The following ABCC12 variants were observed in gnomAD, a reference collection of about 807,000 sequenced individuals.
ABCC12 encodes the protein ATP-binding cassette sub-family C member 12.
In ABCC12, 142 loss-of-function variants were observed where a neutral mutation model predicts 151.1. The observed-to-expected ratio is 0.94, with a 90% CI of 0.82 to 1.08. ABCC12 has a LOEUF of 1.08. ABCC12 is among the 50% of genes least tolerant of loss of function. ABCC12 has a pLI of 0.00. For missense variants in ABCC12, 1,638 were observed against 1,691.1 expected, an observed-to-expected ratio of 0.97 and a Z score of 0.55; for synonymous variants, 645 against 646.4, an observed-to-expected ratio of 1.00 and a Z score of 0.03.
chr16:48,102,239 G>A (rs1963333433), intron 22 of ABCC12, among the ~76,000 whole-genome samples: 1 of 152,188 alleles, frequency 6.6e-6, no homozygotes, highest in African/African-American at 2.4e-5. Flanking sequence ...TTCAGCCTCT[G>A]ATTAGTCGCT....
rs539640801 is a variant in ABCC12 at position 48,120,539 on chromosome 16, C to T, written c.1712+1177G>A. Among the ~76,000 whole-genome samples, 23 of 150,730 alleles carry T rather than the reference C, an allele frequency of 1.5e-4. No homozygotes were observed. In the South Asian group the frequency reaches 2.7e-3, roughly 18 times the overall value. ...ACTATAGAAATGTCCACGGTGATCACGGTATTAATGAGTTTTTTGTTTTTT... is the reference window on the plus strand; with the variant it reads ...ACTATAGAAATGTCCACGGTGATCATGGTATTAATGAGTTTTTTGTTTTTT... On this transcript the variant is annotated intron_variant, in intron 13 of 30. Coordinates refer to ENST00000311303, the MANE Select transcript of ABCC12 (RefSeq NM_001393797.1).
chr16:48,090,816 C>T (rs969046239), intron 25 of ABCC12, among the ~76,000 whole-genome samples: 2 of 152,168 alleles, frequency 1.3e-5, no homozygotes, highest in Admixed American at 1.3e-4. Context: ...AAACCTCCGC[C>T]TCCTGGGCTC....
intron 4 of ABCC12, among the ~76,000 whole-genome samples, chr16:48,142,880 C>T (rs183046487): frequency 7.9e-5 from 12 of 152,220 alleles, no homozygotes; most frequent in Non-Finnish European, 1.2e-4. Context: ...CTGAAGAAGA[C>T]GGTAGCCCAG....
At chr16:48,091,076 C>A (rs893324342) in intron 25 of ABCC12, 44 bp downstream of exon 25, 3 of 1,591,482 alleles carry the variant, frequency 1.9e-6, no homozygotes, top group Non-Finnish European at 2.6e-6. Flanking sequence ...CCAAGTCCTG[C>A]CAAAATTAAC....
chr16:48,107,383 A>G lies in ABCC12; in HGVS notation c.2414T>C (p.Met805Thr). The change falls in exon 20 of 31, where the codon ATG becomes ACG. Residue 805 changes from methionine to threonine, a missense_variant. Coordinates refer to ENST00000311303, the MANE Select transcript of ABCC12 (RefSeq NM_001393797.1). ...SLFTVFLFLL[M>T]IGSAAFSNWW... ...GTTGCTGAAGGCAGCGCTGCCAATC[A>G]TCAGGAGGAAGAGGAACACAGTGAA... 2 of 1,614,228 alleles carry G rather than the reference A, an allele frequency of 1.2e-6. No homozygotes were observed. Among genetic ancestry groups the G allele is most frequent in the Non-Finnish European group, 1.7e-6 (2 of 1,180,032 alleles).
In ABCC12 at chr16:48,140,714, C is replaced by G. The variant is rs758013375; in HGVS notation, c.630G>C (p.Lys210Asn). Residue 210 changes from lysine to asparagine, a missense_variant, in exon 6 of 31, where the codon AAG (lysine) becomes AAC (asparagine). Physicochemically the swap from Lys to Asn is moderately conservative, Grantham distance 94. Transcript: ENST00000311303. ...TLVFENLVSF[K>N]TLTHISVGEV... Reference sequence around the variant, plus strand: ...CGCCAACAGAGATGTGGGTCAATGTCTTGAAGGACACTAGGTTTTCAAAAA... The same window carrying G: ...CGCCAACAGAGATGTGGGTCAATGTGTTGAAGGACACTAGGTTTTCAAAAA... The G allele has an allele frequency of 1.5e-5, 25 of 1,614,164 alleles. No homozygotes were observed. The highest frequency in any genetic ancestry group is 2.1e-5 in the Non-Finnish European group (25 of 1,180,030).
Position 48,083,812 on chromosome 16 carries a change from GAGA to G in ABCC12, c.3994-14_3994-12del, listed in dbSNP as rs1446168000. On this transcript the variant is annotated splice_polypyrimidine_tract_variant and intron_variant, in intron 30 of 30. Coordinates refer to ENST00000311303, the MANE Select transcript of ABCC12 (RefSeq NM_001393797.1). ...GTCAAACTCAATCACCTGAAAGTCA[GAGA>G]AGAAGAACTGAAATCATCGGAAAAT... The G allele has an allele frequency of 5.6e-6, 9 of 1,614,064 alleles. No homozygotes were observed. The highest frequency in any genetic ancestry group is 2.7e-5 in the African/African-American group (2 of 74,944).
At chr16:48,146,254 C>T (rs1567459038) in intron 3 of ABCC12, 52 bp downstream of exon 3, 3 of 1,547,594 alleles carry the variant, frequency 1.9e-6, no homozygotes, top group East Asian at 2.2e-5. Flanking sequence ...TCCTGATGGA[C>T]ATTCCTGGAG....
intron 10 of ABCC12, among the ~76,000 whole-genome samples, chr16:48,130,554 T>C (rs1283852554): frequency 1.3e-5 from 2 of 152,202 alleles, no homozygotes; most frequent in Non-Finnish European, 1.5e-5. Context: ...ATCAGGAACA[T>C]CTTCTTCATG....
intron 3 of ABCC12, 70 bp downstream of exon 3, chr16:48,146,236 G>A: frequency 7.1e-7 from 1 of 1,407,220 alleles, no homozygotes; most frequent in Non-Finnish European, 1.0e-6. Context: ...CAGGAGCAGT[G>A]CCCACTCTCC....
At chr16:48,105,371 A>C (rs1963457764) in intron 20 of ABCC12, 35 bp from the exon 21 acceptor site, 1 of 1,560,456 alleles carries the variant, frequency 6.4e-7, no homozygotes. Context: ...CCAAGAATTG[A>C]TAAATTCCTG....
intron 2 of ABCC12, among the ~76,000 whole-genome samples, chr16:48,152,968 G>A (rs1567460553): frequency 6.6e-6 from 1 of 152,154 alleles, no homozygotes. Context: ...TTGCTATAAA[G>A]AACATTATTG....
intron 2 of ABCC12, among the ~76,000 whole-genome samples, chr16:48,150,135 C>T (rs897499693): frequency 1.3e-5 from 2 of 152,182 alleles, no homozygotes; most frequent in Non-Finnish European, 2.9e-5. Context: ...TACAGAGTGG[C>T]CACTAATTTT....
chr16:48,084,125 C>T (rs4785376), intron 29 of ABCC12, 52 bp from the exon 30 acceptor site: 1,534,078 of 1,534,592 alleles, frequency 1, 766,783 homozygotes, highest in Middle Eastern at 1. Context: ...GGGGAATTTA[C>T]AGCCTCGGCT....
intron 8 of ABCC12, among the ~76,000 whole-genome samples, chr16:48,136,335 T>C (rs1964608298): frequency 6.6e-6 from 1 of 152,184 alleles, no homozygotes; most frequent in South Asian, 2.1e-4. Flanking sequence ...TTGGCCTACC[T>C]GAAAGCCACT....
intron 6 of ABCC12, among the ~76,000 whole-genome samples, chr16:48,139,593 G>T (rs1306198978): frequency 2.0e-5 from 3 of 152,108 alleles, no homozygotes; most frequent in Non-Finnish European, 4.4e-5. Flanking sequence ...ATGCTGGAGG[G>T]ACTGCTAGCT....
chr16:48,133,147 AC>A (rs1420567706), intron 9 of ABCC12, among the ~76,000 whole-genome samples: 1 of 151,576 alleles, frequency 6.6e-6, no homozygotes, highest in Non-Finnish European at 1.5e-5. Flanking sequence ...ATTAACTATG[AC>A]CCCTGCCCAG....
At chr16:48,142,852 G>T (rs1173925460) in intron 4 of ABCC12, among the ~76,000 whole-genome samples, 1 of 152,172 alleles carries the variant, frequency 6.6e-6, no homozygotes, top group Non-Finnish European at 1.5e-5. Flanking sequence ...TGAGTGGGGG[G>T]TAAGAAGAGG....
chr16:48,137,659 T>C (rs1229563745), intron 8 of ABCC12, among the ~76,000 whole-genome samples: 2 of 152,230 alleles, frequency 1.3e-5, no homozygotes, highest in Non-Finnish European at 2.9e-5. Flanking sequence ...CATTAACTGG[T>C]GAACCACCTG....
Sources: allele counts gnomAD v4.1 joint callset (sites outside exome capture counted in the v4.1 genomes callset), GRCh38; gene constraint gnomAD v4.1.1; transcripts MANE v1.5; gene names NCBI Gene and HGNC (gene_info 2026-07-23, HGNC 2026-07-21).